The following ZFPM2 variants were observed in gnomAD, a reference collection of about 807,000 sequenced individuals.
The protein encoded by ZFPM2 is zinc finger protein ZFPM2.
In ZFPM2, 20 loss-of-function variants were observed where a neutral mutation model predicts 98.6. That is an observed-to-expected ratio of 0.20 (90% confidence interval 0.14 to 0.29). The LOEUF is 0.29. Ranked by LOEUF, ZFPM2 falls within the 10% of genes least tolerant of loss-of-function variation. ZFPM2 has a pLI of 1.00. For missense variants in ZFPM2, 1,310 were observed against 1,388.6 expected (o/e 0.94, Z 0.90); for synonymous variants, 518 against 502.7 (o/e 1.03, Z -0.41).
At chr8:105,745,280 A>T (rs888790606) in intron 5 of ZFPM2, among the ~76,000 whole-genome samples, 4 of 152,138 alleles carry the variant, frequency 2.6e-5, no homozygotes, top group African/African-American at 9.6e-5. Context: ...TGTTGAATTG[A>T]ATTGTCTTAA....
intron 1 of ZFPM2, among the ~76,000 whole-genome samples, chr8:105,389,522 C>T (rs893821160): frequency 5.3e-5 from 8 of 152,124 alleles, no homozygotes; most frequent in Non-Finnish European, 8.8e-5. Flanking sequence ...TCCAAAGTTG[C>T]TTTTTCTCTT....
In ZFPM2 at chr8:105,670,531, A is replaced by G. The variant is rs536195256; in HGVS notation, c.532+36174A>G. Among the ~76,000 whole-genome samples, 18 of 150,172 alleles carry G rather than the reference A, an allele frequency of 1.2e-4. No individual in the cohort carries two copies. In the South Asian group the frequency reaches 3.6e-3, roughly 30 times the overall value. Reference sequence around the variant, plus strand: ...AAAAAAAAAAAAAAGCTGAAACTATACAACAACATTCTGTGTATGTCTGTG... The same window carrying G: ...AAAAAAAAAAAAAAGCTGAAACTATGCAACAACATTCTGTGTATGTCTGTG... On this transcript the variant is annotated intron_variant, in intron 5 of 7. Transcript: ENST00000407775.
chr8:105,717,555 T>C (rs1432640272), intron 5 of ZFPM2, among the ~76,000 whole-genome samples: 1 of 151,988 alleles, frequency 6.6e-6, no homozygotes, highest in East Asian at 1.9e-4. Flanking sequence ...GATAACTTAA[T>C]ACATTCTAGT....
chr8:105,431,049 G>T (rs181597452), intron 2 of ZFPM2, among the ~76,000 whole-genome samples: 1 of 151,672 alleles, frequency 6.6e-6, no homozygotes, highest in African/African-American at 2.4e-5. Flanking sequence ...GACTACAGGC[G>T]CCCCCCACCA....
At chr8:105,714,174 T>G (rs1432368902) in intron 5 of ZFPM2, among the ~76,000 whole-genome samples, 1 of 152,084 alleles carries the variant, frequency 6.6e-6, no homozygotes, top group Admixed American at 6.6e-5. Context: ...ATCTTTCACC[T>G]CCTTAGTTAG....
intron 3 of ZFPM2, among the ~76,000 whole-genome samples, chr8:105,536,801 C>A (rs1563706397): frequency 6.6e-6 from 1 of 152,078 alleles, no homozygotes; most frequent in African/African-American, 2.4e-5. Flanking sequence ...CCTTTTGGAA[C>A]CTGTAGGAGA....
chr8:105,465,584 G>GAT lies in ZFPM2; in HGVS notation c.301+21211_301+21212dup, dbSNP rs549209022. ...ATATTATTCATTAAAAAATATAGTT[G>GAT]ATATATATAGTTGAGCTACATAGTA... On this transcript the variant is annotated intron_variant, in intron 3 of 7. Coordinates refer to ENST00000407775, the MANE Select transcript of ZFPM2 (RefSeq NM_012082.4). Among the ~76,000 whole-genome samples, 139 of 151,848 alleles carry GAT rather than the reference G, an allele frequency of 9.2e-4. 1 individual carries two copies. The highest frequency in any genetic ancestry group is 3.2e-3 in the African/African-American group (132 of 41,478).
rs1437183962 is a variant in ZFPM2, at chr8:105,782,258, C to T, written c.533-6460C>T. The T allele has an allele frequency of 2.0e-5, 3 of 152,184 alleles. No individual in the cohort carries two copies. The East Asian group carries it at 5.8e-4, about 29-fold the overall frequency. The allele number at this position is 152,184 out of a possible 1,614,324, so 9.4% of individuals were successfully genotyped here. Reference sequence around the variant, plus strand: ...ATGATGATGGAAGCATAAAAAGATGCTCACAACTGGATGATGATAAATATT... The same window carrying T: ...ATGATGATGGAAGCATAAAAAGATGTTCACAACTGGATGATGATAAATATT... On this transcript the variant is annotated intron_variant, in intron 5 of 7. Coordinates refer to ENST00000407775, the MANE Select transcript of ZFPM2 (RefSeq NM_012082.4).
chr8:105,470,365 C>T (rs1812879294), intron 3 of ZFPM2, among the ~76,000 whole-genome samples: 1 of 152,066 alleles, frequency 6.6e-6, no homozygotes, highest in Non-Finnish European at 1.5e-5. Flanking sequence ...CAAAATGGAC[C>T]AAAACTATGT....
At chr8:105,463,671 C>G (rs973895218) in intron 3 of ZFPM2, among the ~76,000 whole-genome samples, 1 of 151,992 alleles carries the variant, frequency 6.6e-6, no homozygotes, top group Admixed American at 6.6e-5. Flanking sequence ...TGAAAAGTGT[C>G]TTATTCATCC....
intron 1 of ZFPM2, among the ~76,000 whole-genome samples, chr8:105,376,095 C>G (rs1326101027): frequency 6.6e-6 from 1 of 152,104 alleles, no homozygotes; most frequent in East Asian, 1.9e-4. Context: ...TTCCTCAGCA[C>G]TCCCCTAACA....
At chr8:105,392,332 G>T (rs772086055) in intron 1 of ZFPM2, among the ~76,000 whole-genome samples, 16 of 152,078 alleles carry the variant, frequency 1.1e-4, no homozygotes, top group Non-Finnish European at 1.6e-4. Flanking sequence ...TTTAAAACTT[G>T]TTCTTTAATT....
chr8:105,482,505 C>T (rs894432375), intron 3 of ZFPM2, among the ~76,000 whole-genome samples: 24 of 151,666 alleles, frequency 1.6e-4, no homozygotes, highest in Non-Finnish European at 3.1e-4. Flanking sequence ...ATTCTTTTTC[C>T]TTCTTTTCAC....
chr8:105,329,810 A>G (rs2130665178), intron 1 of ZFPM2, among the ~76,000 whole-genome samples: 1 of 151,852 alleles, frequency 6.6e-6, no homozygotes, highest in East Asian at 1.9e-4. Context: ...GTACAGATCC[A>G]TAGTTAGTGA....
chr8:105,703,906 G>A (rs2130961728), intron 5 of ZFPM2, among the ~76,000 whole-genome samples: 1 of 152,162 alleles, frequency 6.6e-6, no homozygotes, highest in Admixed American at 6.5e-5. Flanking sequence ...TTGATATGAA[G>A]AGGAATGCTG....
intron 5 of ZFPM2, among the ~76,000 whole-genome samples, chr8:105,708,738 C>T (rs998768512): frequency 2.0e-5 from 3 of 152,166 alleles, no homozygotes; most frequent in Non-Finnish European, 4.4e-5. Context: ...GTCACCGTGC[C>T]TGGCCTATTA....
chr8:105,398,290 A>C (rs555252809), intron 1 of ZFPM2, among the ~76,000 whole-genome samples: 2 of 152,138 alleles, frequency 1.3e-5, no homozygotes, highest in Non-Finnish European at 2.9e-5. Context: ...GTCCATCAGC[A>C]TTCCTCTGAA....
intron 1 of ZFPM2, among the ~76,000 whole-genome samples, chr8:105,380,933 A>C (rs1810874416): frequency 9.2e-6 from 1 of 109,134 alleles, no homozygotes; most frequent in Non-Finnish European, 1.8e-5. Flanking sequence ...ATTATAATAT[A>C]TATATTATTA....
chr8:105,371,932 C>T (rs1470463804), intron 1 of ZFPM2, among the ~76,000 whole-genome samples: 2 of 151,600 alleles, frequency 1.3e-5, no homozygotes, highest in African/African-American at 4.8e-5. Flanking sequence ...ATATACTGGA[C>T]TACTTAGGAT....
Sources: gnomAD v4.1 joint callset for allele counts (sites outside exome capture counted in the v4.1 genomes callset) on GRCh38, gnomAD v4.1.1 for gene constraint, MANE v1.5 for transcripts, NCBI Gene and HGNC (gene_info 2026-07-23, HGNC 2026-07-21) for gene names.